Variants in RAD54B observed in about 807,000 individuals in gnomAD.
RAD54B encodes RAD54 homolog B, also known as DNA repair and recombination protein RAD54B.
A neutral mutation model predicts 95.8 loss-of-function variants in RAD54B; 78 were observed. The observed-to-expected ratio is 0.81, with a 90% CI of 0.68 to 0.98. The LOEUF is 0.98. RAD54B is among the 50% of genes least tolerant of loss of function. RAD54B has a pLI of 0.00. For missense variants in RAD54B, 957 were observed against 1,056.6 expected (o/e 0.91, Z 1.31); for synonymous variants, 328 against 354.9 (o/e 0.92, Z 0.85).
At chr8:94,465,052 C>T (rs964791857) in intron 2 of RAD54B, among the ~76,000 whole-genome samples, 3 of 152,126 alleles carry the variant, frequency 2.0e-5, no homozygotes, top group Non-Finnish European at 4.4e-5. Flanking sequence ...TTAGGCCAAC[C>T]TCAAACACTG....
chr8:94,376,895 T>C (rs1292700292), intron 14 of RAD54B, among the ~76,000 whole-genome samples: 3 of 151,698 alleles, frequency 2.0e-5, no homozygotes, highest in African/African-American at 7.3e-5. Flanking sequence ...ATAAAATATA[T>C]TTATGTTTAT....
At chr8:94,472,600 T>C (rs758741292) in intron 1 of RAD54B, among the ~76,000 whole-genome samples, 4 of 152,164 alleles carry the variant, frequency 2.6e-5, no homozygotes, top group Non-Finnish European at 4.4e-5. Context: ...TCCCCTCTAA[T>C]ACTGTGAAAA....
intron 3 of RAD54B, among the ~76,000 whole-genome samples, chr8:94,425,237 T>C (rs1220924017): frequency 1.3e-5 from 2 of 149,272 alleles, no homozygotes; most frequent in African/African-American, 4.9e-5. Context: ...TTCTTTTTTT[T>C]TTTTTTTTTT....
chr8:94,472,894 T>C (rs1813204049), intron 1 of RAD54B, among the ~76,000 whole-genome samples: 1 of 152,172 alleles, frequency 6.6e-6, no homozygotes, highest in Admixed American at 6.5e-5. Context: ...TTTTGTAAAC[T>C]AATAAAAATG....
At chr8:94,441,276 G>A (rs1812390793) in intron 3 of RAD54B, among the ~76,000 whole-genome samples, 1 of 152,080 alleles carries the variant, frequency 6.6e-6, no homozygotes, top group Non-Finnish European at 1.5e-5. Flanking sequence ...TCTACAACTC[G>A]GTGTCTGAGA....
At chr8:94,441,631 T>C (rs555260253) in intron 3 of RAD54B, among the ~76,000 whole-genome samples, 6 of 152,282 alleles carry the variant, frequency 3.9e-5, no homozygotes, top group African/African-American at 1.4e-4. Context: ...GAAAGCTTCA[T>C]TACATAGGCA....
At chr8:94,457,898 A>G (rs1022006344) in intron 3 of RAD54B, among the ~76,000 whole-genome samples, 2 of 152,218 alleles carry the variant, frequency 1.3e-5, no homozygotes, top group Non-Finnish European at 2.9e-5. Context: ...TCCAGACTCT[A>G]ATGAATTAAC....
At chr8:94,445,878 C>T (rs1812508405) in intron 3 of RAD54B, among the ~76,000 whole-genome samples, 1 of 151,840 alleles carries the variant, frequency 6.6e-6, no homozygotes, top group Admixed American at 6.6e-5. Context: ...TTGAGGAAAA[C>T]GTACTCATAT....
intron 2 of RAD54B, among the ~76,000 whole-genome samples, chr8:94,464,114 T>G (rs1812971587): frequency 6.6e-6 from 1 of 152,120 alleles, no homozygotes; most frequent in African/African-American, 2.4e-5. Context: ...CCCAAAGATT[T>G]CCACACCCTA....
intron 1 of RAD54B, among the ~76,000 whole-genome samples, chr8:94,471,811 C>A (rs944871356): frequency 2.6e-5 from 4 of 151,704 alleles, no homozygotes; most frequent in Non-Finnish European, 4.4e-5. Flanking sequence ...TACCATATTT[C>A]ATCAAATCTA....
intron 4 of RAD54B, among the ~76,000 whole-genome samples, chr8:94,408,669 T>C (rs965816888): frequency 1.3e-5 from 2 of 152,130 alleles, no homozygotes; most frequent in African/African-American, 4.8e-5. Flanking sequence ...TACTTTTTAA[T>C]TGTAATGCTC....
At chr8:94,418,806 A>G (rs1290895217) in intron 3 of RAD54B, among the ~76,000 whole-genome samples, 1 of 152,076 alleles carries the variant, frequency 6.6e-6, no homozygotes, top group Non-Finnish European at 1.5e-5. Context: ...TTTGTTCCTT[A>G]TTATTATATA....
intron 14 of RAD54B, among the ~76,000 whole-genome samples, chr8:94,377,913 T>C (rs1024460480): frequency 3.6e-4 from 50 of 139,710 alleles, no homozygotes; most frequent in African/African-American, 1.3e-3. Flanking sequence ...GAGGCGGAGC[T>C]TGCAGTGAGC....
chr8:94,452,867 C>T (rs1812696247), intron 3 of RAD54B, among the ~76,000 whole-genome samples: 1 of 152,052 alleles, frequency 6.6e-6, no homozygotes, highest in Non-Finnish European at 1.5e-5. Context: ...GAAAGCACAA[C>T]AAAATAACAC....
chr8:94,419,437 G>A (rs902930409), intron 3 of RAD54B, among the ~76,000 whole-genome samples: 1 of 152,096 alleles, frequency 6.6e-6, no homozygotes, highest in Non-Finnish European at 1.5e-5. Context: ...GAAACCAGAA[G>A]GCGGAGGTTG....
At chr8:94,426,851 A>G (rs150521492) in intron 3 of RAD54B, among the ~76,000 whole-genome samples, 1 of 152,306 alleles carries the variant, frequency 6.6e-6, no homozygotes, top group African/African-American at 2.4e-5. Context: ...ATCTTACCTA[A>G]AAAACACACA....
At chr8:94,401,300 C>T (rs1811264695) in intron 6 of RAD54B, among the ~76,000 whole-genome samples, 1 of 152,042 alleles carries the variant, frequency 6.6e-6, no homozygotes, top group South Asian at 2.1e-4. Context: ...CCTCTTCCGC[C>T]ACCTCTGCCA....
At chr8:94,412,370 A>ATT (rs66586571) in intron 3 of RAD54B, among the ~76,000 whole-genome samples, 9 of 148,260 alleles carry the variant, frequency 6.1e-5, no homozygotes, top group African/African-American at 2.2e-4. Context: ...TGCCAATTTC[A>ATT]TTTTTTTTTT....
Position 94,380,309 on chromosome 8 carries a change from G to A in RAD54B, c.2083C>T (p.Pro695Ser). ...ACAATCTGCTGCCTTTGAGAGATTG[G>A]TGTTTGTCCATCAAGTCTTGTATAA... is the stretch of plus-strand genomic sequence containing the variant. ...YAYTRLDGQTPISQRQQIVDG... is the reference protein window; with the variant it reads ...YAYTRLDGQTSISQRQQIVDG... Residue 695 changes from proline (P) to serine (S), a missense_variant, in exon 12 of 15, where the codon CCA becomes TCA. By Grantham distance (74) the Pro-to-Ser change is moderately conservative. Transcript: ENST00000336148. The A allele has an allele frequency of 6.2e-7, 1 of 1,614,068 alleles. No homozygotes were observed. The highest frequency in any genetic ancestry group is 8.5e-7 in the Non-Finnish European group (1 of 1,179,976).
Sources: gnomAD v4.1 joint callset for allele counts (sites outside exome capture counted in the v4.1 genomes callset) on GRCh38, gnomAD v4.1.1 for gene constraint, MANE v1.5 for transcripts, NCBI Gene and HGNC (gene_info 2026-07-23, HGNC 2026-07-21) for gene names.